The following MCTP1 variants were observed in gnomAD, a reference collection of about 807,000 sequenced individuals.
The protein encoded by MCTP1 is multiple C2 and transmembrane domain containing 1.
Under a neutral mutation model 120.6 loss-of-function variants are expected in MCTP1, and 69 were observed. That is an observed-to-expected ratio of 0.57 (90% CI 0.47 to 0.70). The LOEUF is 0.70. Among genes scored for constraint, MCTP1 ranks in the 30% least tolerant of loss-of-function variants. The pLI is 0.00. For synonymous variants in MCTP1, 529 were observed against 493.1 expected (o/e 1.07, Z -0.96); for missense variants, 1,203 against 1,248.8 (o/e 0.96, Z 0.55).
At chr5:94,748,758 G>A (rs182398367) in intron 19 of MCTP1, among the ~76,000 whole-genome samples, 13 of 152,304 alleles carry the variant, frequency 8.5e-5, no homozygotes, top group African/African-American at 3.1e-4. Context: ...ACTTTCTTGA[G>A]CCAGAAGCAC....
chr5:95,033,025 G>T (rs777170762), intron 1 of MCTP1, among the ~76,000 whole-genome samples: 1 of 151,806 alleles, frequency 6.6e-6, no homozygotes. Flanking sequence ...CTGGAAACAC[G>T]CAACCTTCCA....
intron 6 of MCTP1, among the ~76,000 whole-genome samples, chr5:94,928,829 GC>G (rs1813811181): frequency 6.6e-6 from 1 of 151,474 alleles, no homozygotes; most frequent in Non-Finnish European, 1.5e-5. Context: ...ACAATTACCC[GC>G]CCCCCACCTC....
At chr5:94,784,517 GAAACTTTTGC>G (rs1368278368) in intron 18 of MCTP1, among the ~76,000 whole-genome samples, 4 of 152,024 alleles carry the variant, frequency 2.6e-5, no homozygotes, top group Non-Finnish European at 5.9e-5. Context: ...TTTTTGAGAA[GAAACTTTTGC>G]AAACTGGTAT....
At chr5:94,719,452 G>A (rs1310796822) in intron 19 of MCTP1, among the ~76,000 whole-genome samples, 1 of 152,180 alleles carries the variant, frequency 6.6e-6, no homozygotes, top group African/African-American at 2.4e-5. Flanking sequence ...TGAAGAAAAT[G>A]TGGTACATAT....
chr5:94,846,730 C>T (rs958233475), intron 17 of MCTP1, among the ~76,000 whole-genome samples: 2 of 151,926 alleles, frequency 1.3e-5, no homozygotes, highest in Non-Finnish European at 2.9e-5. Flanking sequence ...ACCAATTAAA[C>T]CGGAATCATT....
At chr5:94,866,513 G>A (rs1287554106) in intron 17 of MCTP1, among the ~76,000 whole-genome samples, 1 of 149,568 alleles carries the variant, frequency 6.7e-6, no homozygotes, top group African/African-American at 2.5e-5. Flanking sequence ...GTGTCAGCAG[G>A]CCCCTTCCCA....
intron 1 of MCTP1, among the ~76,000 whole-genome samples, chr5:95,061,428 T>G (rs1562095077): frequency 0.013 from 722 of 53,844 alleles, 65 homozygotes; most frequent in Non-Finnish European, 0.018. Flanking sequence ...TTTTTTTTTT[T>G]TTTTTTTTTT....
intron 10 of MCTP1, among the ~76,000 whole-genome samples, chr5:94,907,234 T>G (rs765963922): frequency 1.3e-5 from 2 of 152,322 alleles, no homozygotes; most frequent in Non-Finnish European, 2.9e-5. Flanking sequence ...TCAAAAAGAT[T>G]TGAAATGATG....
Position 94,923,849 on chromosome 5 carries a change from C to T in MCTP1, c.1272+113G>A, listed in dbSNP as rs575680293. 42 of 618,134 alleles carry T rather than the reference C, an allele frequency of 6.8e-5. No individual in the cohort carries two copies. The African/African-American group carries it at 7.9e-4, about 12-fold the overall frequency. The allele number at this position is 618,134 out of a possible 1,614,324, so 38.3% of individuals were successfully genotyped here. A position where few individuals can be genotyped will look rare whatever the true frequency, so the allele number is the denominator to read the frequency against. On this transcript the variant is annotated intron_variant, in intron 7 of 22. Transcript: ENST00000515393. Reference sequence around the variant, plus strand: ...GATAATAAAGAAGGCAAATGAATACCTCTATCTGGAAGCCTATCTTAAAAA... The same window carrying T: ...GATAATAAAGAAGGCAAATGAATACTTCTATCTGGAAGCCTATCTTAAAAA...
chr5:95,257,328 C>T (rs1041699749), intron 1 of MCTP1, among the ~76,000 whole-genome samples: 2 of 152,036 alleles, frequency 1.3e-5, no homozygotes, highest in Admixed American at 1.3e-4. Context: ...CAAGATCTGT[C>T]TCATTTTACT....
intron 6 of MCTP1, chr5:94,929,652 T>C: frequency 1.2e-5 from 12 of 984,866 alleles, no homozygotes; most frequent in Non-Finnish European, 1.4e-5. Context: ...GGAAGCACAA[T>C]TTACCGGAGG....
At chr5:94,872,003 G>A (rs1226521692) in intron 13 of MCTP1, among the ~76,000 whole-genome samples, 1 of 152,018 alleles carries the variant, frequency 6.6e-6, no homozygotes, top group Non-Finnish European at 1.5e-5. Flanking sequence ...CTGGAATTTA[G>A]AAATTAAGCA....
intron 17 of MCTP1, among the ~76,000 whole-genome samples, chr5:94,817,068 T>C (rs1045690238): frequency 6.6e-6 from 1 of 152,174 alleles, no homozygotes; most frequent in African/African-American, 2.4e-5. Context: ...AAATCTCTTA[T>C]CATCTCAAAC....
At chr5:95,135,122 A>T (rs1223321607) in intron 1 of MCTP1, among the ~76,000 whole-genome samples, 2 of 151,880 alleles carry the variant, frequency 1.3e-5, no homozygotes, top group African/African-American at 4.8e-5. Flanking sequence ...GCATAGTTCC[A>T]ATACCAGTAT....
intron 19 of MCTP1, among the ~76,000 whole-genome samples, chr5:94,743,581 G>A (rs1048276050): frequency 6.6e-6 from 1 of 151,724 alleles, no homozygotes; most frequent in Admixed American, 6.6e-5. Context: ...TGGAATCCAG[G>A]CCCAATGTTG....
At chr5:95,133,513 GGT>G (rs1759205102) in intron 1 of MCTP1, among the ~76,000 whole-genome samples, 1 of 152,138 alleles carries the variant, frequency 6.6e-6, no homozygotes, top group Non-Finnish European at 1.5e-5. Flanking sequence ...AAATTAGCCG[GGT>G]GTGGCGGCAC....
intron 17 of MCTP1, among the ~76,000 whole-genome samples, chr5:94,823,611 T>G (rs980017332): frequency 1.4e-4 from 22 of 152,172 alleles, no homozygotes; most frequent in Non-Finnish European, 7.4e-5. Context: ...GGGAACAACA[T>G]TGAATCTATA....
chr5:94,907,896 G>C (rs1387618302), intron 10 of MCTP1, among the ~76,000 whole-genome samples: 1 of 152,006 alleles, frequency 6.6e-6, no homozygotes, highest in Non-Finnish European at 1.5e-5. Flanking sequence ...CAAGATAAGA[G>C]AGTTTGAATA....
chr5:95,058,209 G>A (rs903379652), intron 1 of MCTP1, among the ~76,000 whole-genome samples: 3 of 152,150 alleles, frequency 2.0e-5, no homozygotes, highest in Admixed American at 6.5e-5. Flanking sequence ...ATTTATGATT[G>A]ATTCTTGGAA....
Sources: gnomAD v4.1 joint callset for allele counts (sites outside exome capture counted in the v4.1 genomes callset) on GRCh38, gnomAD v4.1.1 for gene constraint, MANE v1.5 for transcripts, NCBI Gene and HGNC (gene_info 2026-07-23, HGNC 2026-07-21) for gene names.